Variants in DNAH6 observed in about 807,000 individuals in gnomAD.
DNAH6 encodes the protein axonemal beta dynein heavy chain 6.
Under a neutral mutation model 491.4 loss-of-function variants are expected in DNAH6, and 340 were observed. The observed-to-expected ratio is 0.69, with a 90% CI of 0.63 to 0.76. DNAH6 has a LOEUF of 0.76. DNAH6 is among the 30% of genes least tolerant of loss of function. DNAH6 has a pLI of 0.00. For synonymous variants in DNAH6, 1,603 were observed against 1,686.1 expected (o/e 0.95, Z 1.21); for missense variants, 4,443 against 4,972.2 (o/e 0.89, Z 3.20).
At chr2:84,803,724 ATAT>A (rs1251643081) in intron 70 of DNAH6, among the ~76,000 whole-genome samples, 1 of 152,190 alleles carries the variant, frequency 6.6e-6, no homozygotes, top group Non-Finnish European at 1.5e-5. Context: ...TTAAGTAATA[ATAT>A]TAATTCTTGC....
intron 60 of DNAH6, among the ~76,000 whole-genome samples, chr2:84,723,795 G>A (rs1006177704): frequency 1.3e-5 from 2 of 152,092 alleles, no homozygotes; most frequent in Non-Finnish European, 2.9e-5. Flanking sequence ...AATTTCATCT[G>A]CTGTCTCATG....
At chr2:84,506,331 T>G in the DNAH6 span, among the ~76,000 whole-genome samples, 1 of 151,806 alleles carries the variant, frequency 6.6e-6, no homozygotes, top group Non-Finnish European at 1.5e-5. Context: ...TGGTGAGCAT[T>G]TTTTCGTGTG....
chr2:84,764,292 A>G (rs973991187), intron 64 of DNAH6, among the ~76,000 whole-genome samples: 5 of 152,230 alleles, frequency 3.3e-5, no homozygotes. Context: ...AGTAAGAAAA[A>G]GAAAACAACC....
chr2:84,619,406 G>A (rs1203865210), intron 23 of DNAH6, among the ~76,000 whole-genome samples: 4 of 152,154 alleles, frequency 2.6e-5, no homozygotes, highest in African/African-American at 4.8e-5. Context: ...GAACACATCA[G>A]TTTCTAGCAT....
Position 84,538,429 on chromosome 2 carries a change from A to G in DNAH6, c.663-5804A>G, listed in dbSNP as rs187706280. 8.3e-4 allele frequency among the ~76,000 whole-genome samples: 127 copies of G among 152,270 alleles called. 2 individuals carry two copies. The highest frequency in any genetic ancestry group is 2.9e-3 in the African/African-American group (121 of 41,574). ...ATTCTATGATTTCATTCTCTGTGCA[A>G]TGTCAAGTTTAAAGCTATTAAAATC... On this transcript the variant is annotated intron_variant, in intron 4 of 76. Coordinates refer to ENST00000389394, the MANE Select transcript of DNAH6 (RefSeq NM_001370.2).
At chr2:84,472,045 C>T in the DNAH6 span, among the ~76,000 whole-genome samples, 2 of 152,166 alleles carry the variant, frequency 1.3e-5, no homozygotes, top group Non-Finnish European at 2.9e-5. Context: ...ATGTGCATCC[C>T]TCCACCATAT....
chr2:84,595,507 T>C, intron 17 of DNAH6, 139 bp from the exon 18 acceptor site: 2 of 725,516 alleles, frequency 2.8e-6, no homozygotes, highest in Non-Finnish European at 2.2e-6. Context: ...TATAATGTTA[T>C]TAGCAATTTA....
intron 71 of DNAH6, among the ~76,000 whole-genome samples, chr2:84,806,129 CTT>C (rs1679391811): frequency 6.6e-6 from 1 of 152,174 alleles, no homozygotes; most frequent in African/African-American, 2.4e-5. Context: ...TAAATTTAAA[CTT>C]AATGTAATTT....
Position 84,677,152 on chromosome 2 carries a change from A to C in DNAH6, c.6744+16A>C, listed in dbSNP as rs1310642313. On this transcript the variant is annotated intron_variant, in intron 41 of 76. Coordinates refer to ENST00000389394, the MANE Select transcript of DNAH6 (RefSeq NM_001370.2). Reference sequence around the variant, plus strand: ...GATTTTTCAGGTGAGTGTCGATTTTAACTTAGGCAACAGGAGGAAAAGAAA... The same window carrying C: ...GATTTTTCAGGTGAGTGTCGATTTTCACTTAGGCAACAGGAGGAAAAGAAA... The C allele has an allele frequency of 6.4e-7, 1 of 1,551,504 alleles. No homozygotes were observed. Among genetic ancestry groups the C allele is most frequent in the African/African-American group, 1.4e-5 (1 of 73,128 alleles).
At chr2:84,793,201 CGCAT>C (rs1677948601) in intron 68 of DNAH6, among the ~76,000 whole-genome samples, 1 of 147,700 alleles carries the variant, frequency 6.8e-6, no homozygotes, top group African/African-American at 2.6e-5. Flanking sequence ...CACACACACA[CGCAT>C]GCACACACGT....
chr2:84,485,562 T>C, the DNAH6 span, among the ~76,000 whole-genome samples: 4 of 152,102 alleles, frequency 2.6e-5, no homozygotes, highest in Admixed American at 1.3e-4. Context: ...GGGTGGAACC[T>C]ATAGAGGGGC....
At position 84,813,120 on chromosome 2, in the gene DNAH6, A is replaced by T. The variant is rs1559071057; in HGVS notation, c.11988A>T (p.Gly3996=). The part of the protein sequence containing the change: ...YWISGFFFPQ[G]FLTGTLQNHA... Reference sequence around the variant, plus strand: ...TCTCTGGTTTCTTCTTTCCTCAAGGATTTCTAACAGGTACCAGCGCTTTCT... The same window carrying T: ...TCTCTGGTTTCTTCTTTCCTCAAGGTTTTCTAACAGGTACCAGCGCTTTCT... The change falls in exon 74 of 77, where the codon GGA becomes GGT. Residue 3996 remains glycine, a synonymous_variant. Coordinates refer to ENST00000389394, the MANE Select transcript of DNAH6 (RefSeq NM_001370.2). The T allele has an allele frequency of 2.6e-6, 4 of 1,551,502 alleles. No individual in the cohort carries two copies. The Admixed American group carries it at 7.8e-5, about 30-fold the overall frequency.
intron 33 of DNAH6, among the ~76,000 whole-genome samples, chr2:84,651,297 G>T (rs1040451801): frequency 4.6e-5 from 7 of 152,152 alleles, no homozygotes; most frequent in African/African-American, 1.4e-4. Context: ...AATACCAAAG[G>T]GGGCATCATT....
intron 26 of DNAH6, among the ~76,000 whole-genome samples, chr2:84,623,094 T>C (rs1687546552): frequency 6.6e-6 from 1 of 152,116 alleles, no homozygotes; most frequent in Non-Finnish European, 1.5e-5. Context: ...AAAAATCAAC[T>C]CAAAATGGAT....
At position 84,585,115 on chromosome 2, in the gene DNAH6, G is replaced by A. The variant is rs973997731; in HGVS notation, c.2481+865G>A. Among the ~76,000 whole-genome samples, 4 of 152,162 alleles carry A rather than the reference G, an allele frequency of 2.6e-5. No individual in the cohort carries two copies. In the East Asian group the frequency reaches 7.7e-4, roughly 29 times the overall value. On this transcript the variant is annotated intron_variant, in intron 15 of 76. Transcript: ENST00000389394. ...CCTATTTCTCAAGCAGTGTTCGAAG[G>A]ACTTGGCACTGTTGTTACTTTTGTA...
intron 42 of DNAH6, among the ~76,000 whole-genome samples, chr2:84,684,394 A>G (rs1694084101): frequency 6.6e-6 from 1 of 152,214 alleles, no homozygotes; most frequent in African/African-American, 2.4e-5. Context: ...ACGCATCATA[A>G]AATACACAGG....
intron 13 of DNAH6, among the ~76,000 whole-genome samples, chr2:84,578,172 A>G (rs974327401): frequency 2.0e-5 from 3 of 152,312 alleles, no homozygotes; most frequent in Admixed American, 6.5e-5. Flanking sequence ...AGAGCACTGT[A>G]TAAAAAAGAG....
intron 51 of DNAH6, among the ~76,000 whole-genome samples, 172 bp from the exon 52 acceptor site, chr2:84,705,314 C>T (rs147599490): frequency 3.9e-5 from 6 of 152,256 alleles, no homozygotes; most frequent in African/African-American, 1.4e-4. Flanking sequence ...ATTTTCTTTT[C>T]GCCCCCTGAA....
At position 84,611,687 on chromosome 2, in the gene DNAH6, C is replaced by T. The variant is rs1345593261; in HGVS notation, c.3308C>T (p.Thr1103Ile). ...LFNQTLEEWL[T>I]CQRNWLYLES... ...TTTTTCTCCTAGGAAGAGTGGCTGA[C>T]CTGCCAGAGAAACTGGCTCTACCTA... Residue 1103 changes from threonine to isoleucine, a missense_variant, in exon 22 of 77, where the codon ACC becomes ATC. Coordinates refer to ENST00000389394, the MANE Select transcript of DNAH6 (RefSeq NM_001370.2). 11 of 1,550,402 alleles carry T rather than the reference C, an allele frequency of 7.1e-6. No individual in the cohort carries two copies. The Admixed American group carries it at 7.9e-5, about 11-fold the overall frequency.
Sources: gnomAD v4.1 joint callset for allele counts (sites outside exome capture counted in the v4.1 genomes callset) on GRCh38, gnomAD v4.1.1 for gene constraint, MANE v1.5 for transcripts, NCBI Gene and HGNC (gene_info 2026-07-23, HGNC 2026-07-21) for gene names.